Variants in ACAD11 observed in about 807,000 individuals in gnomAD.
ACAD11 encodes acyl-CoA dehydrogenase family member 11.
A neutral mutation model predicts 102.2 loss-of-function variants in ACAD11; 83 were observed. That is an observed-to-expected ratio of 0.81 (90% CI 0.68 to 0.97). The LOEUF is 0.97. ACAD11 is among the 50% of genes least tolerant of loss of function. The pLI, the probability that ACAD11 is intolerant of heterozygous loss-of-function variation, is 0.00. For missense variants in ACAD11, 901 were observed against 951.7 expected (o/e 0.95, Z 0.70); for synonymous variants, 324 against 319.8 (o/e 1.01, Z -0.14).
rs147266042 is a variant in ACAD11, at chr3:132,561,276, C to T, written c.2002-59G>A. ...GAGCTAAGCTGGTATCTGATGTCCA[C>T]GTGTAACACAGTCTTATAGTTTGGT... is the stretch of plus-strand genomic sequence containing the variant. On this transcript the variant is annotated intron_variant, in intron 17 of 19. Transcript: ENST00000264990. The T allele has an allele frequency of 1.3e-4, 154 of 1,220,366 alleles. 1 individual carries two copies. The highest frequency in any genetic ancestry group is 1.7e-4 in the Non-Finnish European group (141 of 825,170). 75.6% of individuals were successfully genotyped at this position (1,220,366 alleles called of 1,614,324 possible).
At chr3:132,641,392 A>C (rs1940489020) in intron 4 of ACAD11, among the ~76,000 whole-genome samples, 1 of 151,988 alleles carries the variant, frequency 6.6e-6, no homozygotes, top group Admixed American at 6.6e-5. Context: ...AAATACAAAA[A>C]AATTAGCAGG....
intron 4 of ACAD11, among the ~76,000 whole-genome samples, chr3:132,641,425 T>C (rs1392016549): frequency 6.6e-6 from 1 of 152,066 alleles, no homozygotes. Flanking sequence ...GAGCCTGTAG[T>C]CCCAGCTGCT....
chr3:132,645,849 G>A (rs1940696445), intron 1 of ACAD11: 2 of 152,224 alleles, frequency 1.3e-5, no homozygotes, highest in South Asian at 2.1e-4. Flanking sequence ...CTAATCCTGA[G>A]TGAGTGCCTT....
chr3:132,572,680 T>C (rs1396278336), intron 17 of ACAD11, among the ~76,000 whole-genome samples: 2 of 152,230 alleles, frequency 1.3e-5, no homozygotes, highest in East Asian at 3.8e-4. Context: ...AGCATGGTAC[T>C]GTTACAAAAA....
At chr3:132,633,669 A>G (rs1940144658) in intron 5 of ACAD11, among the ~76,000 whole-genome samples, 1 of 152,172 alleles carries the variant, frequency 6.6e-6, no homozygotes, top group African/African-American at 2.4e-5. Flanking sequence ...CTACAAGGCT[A>G]CAGTAACCAA....
chr3:132,596,721 TG>T (rs1375153295), intron 13 of ACAD11, among the ~76,000 whole-genome samples: 42 of 152,246 alleles, frequency 2.8e-4, no homozygotes, highest in African/African-American at 8.7e-4. Flanking sequence ...TTTAAAGCCA[TG>T]GGAAAATACT....
Position 132,636,923 on chromosome 3 carries a change from G to A in ACAD11, c.702+2569C>T, listed in dbSNP as rs535391172. Among the ~76,000 whole-genome samples, 4 of 152,248 alleles carry A rather than the reference G, an allele frequency of 2.6e-5. No homozygotes were observed. In the South Asian group the frequency reaches 6.2e-4, roughly 24 times the overall value. ...AGACCACATGCTGAGAGTGGGAACC[G>A]AGATGGGACAAGAAATGTGAGAGTT... On this transcript the variant is annotated intron_variant, in intron 5 of 19. Coordinates refer to ENST00000264990, the MANE Select transcript of ACAD11 (RefSeq NM_032169.5).
chr3:132,571,456 T>C (rs924346628), intron 17 of ACAD11, among the ~76,000 whole-genome samples: 3 of 152,098 alleles, frequency 2.0e-5, no homozygotes, highest in Non-Finnish European at 4.4e-5. Context: ...AGGTTGCCTA[T>C]TTACTCTGTT....
chr3:132,608,960 T>C (rs1938987937), intron 11 of ACAD11, among the ~76,000 whole-genome samples: 2 of 152,090 alleles, frequency 1.3e-5, no homozygotes, highest in Non-Finnish European at 2.9e-5. Flanking sequence ...CACAGTGCAA[T>C]CAAATTAGAA....
At chr3:132,608,953 A>G (rs1189071528) in intron 11 of ACAD11, among the ~76,000 whole-genome samples, 3 of 152,240 alleles carry the variant, frequency 2.0e-5, no homozygotes, top group African/African-American at 7.2e-5. Flanking sequence ...CTCAGACCAC[A>G]GTGCAATCAA....
At position 132,567,419 on chromosome 3, in the gene ACAD11, A is replaced by T. The variant is rs560778846; in HGVS notation, c.2002-6202T>A. Among the ~76,000 whole-genome samples, 742 of 152,336 alleles carry T rather than the reference A, an allele frequency of 4.9e-3. 4 individuals are homozygous for T. Among genetic ancestry groups the T allele is most frequent in the Admixed American group, 8.3e-3 (127 of 15,292 alleles). Reference sequence around the variant, plus strand: ...GAGAAAGGTAACTAGATAGATAGATAAACATGTATATATAATACCTAGAAC... The same window carrying T: ...GAGAAAGGTAACTAGATAGATAGATTAACATGTATATATAATACCTAGAAC... On this transcript the variant is annotated intron_variant, in intron 17 of 19. Coordinates refer to ENST00000264990, the MANE Select transcript of ACAD11 (RefSeq NM_032169.5).
chr3:132,609,491 A>C (rs1022140293), intron 11 of ACAD11, among the ~76,000 whole-genome samples: 1 of 152,222 alleles, frequency 6.6e-6, no homozygotes, highest in African/African-American at 2.4e-5. Context: ...CCATCAGAGA[A>C]TACTATAAAC....
intron 17 of ACAD11, among the ~76,000 whole-genome samples, chr3:132,575,109 A>G (rs1937500283): frequency 6.6e-6 from 1 of 152,072 alleles, no homozygotes; most frequent in South Asian, 2.1e-4. Flanking sequence ...GGTCTCCCAA[A>G]GTGCTGGGAT....
At chr3:132,645,276 A>G (rs1345811638) in intron 1 of ACAD11, among the ~76,000 whole-genome samples, 1 of 152,248 alleles carries the variant, frequency 6.6e-6, no homozygotes, top group Non-Finnish European at 1.5e-5. Flanking sequence ...ATGAATTAAA[A>G]GATGCAGGAA....
intron 3 of ACAD11, 30 bp downstream of exon 3, chr3:132,642,647 G>T: frequency 6.4e-7 from 1 of 1,560,822 alleles, no homozygotes; most frequent in Non-Finnish European, 8.6e-7. Context: ...AAAAGTAAAA[G>T]CAACAAAATA....
intron 11 of ACAD11, among the ~76,000 whole-genome samples, chr3:132,611,944 T>C (rs1486572924): frequency 6.6e-6 from 1 of 151,978 alleles, no homozygotes; most frequent in Non-Finnish European, 1.5e-5. Context: ...AGAACAAAGC[T>C]GGAGGCATCA....
chr3:132,608,546 A>T (rs962096862), intron 11 of ACAD11, among the ~76,000 whole-genome samples: 2 of 152,240 alleles, frequency 1.3e-5, no homozygotes, highest in Non-Finnish European at 2.9e-5. Context: ...AAGACAAAGA[A>T]GGACATTACA....
intron 9 of ACAD11, among the ~76,000 whole-genome samples, chr3:132,620,204 T>C (rs1048662319): frequency 6.6e-6 from 1 of 152,122 alleles, no homozygotes; most frequent in African/African-American, 2.4e-5. Context: ...AGGTAGACCA[T>C]GGGAATACAG....
chr3:132,609,161 T>A (rs1387759461), intron 11 of ACAD11, among the ~76,000 whole-genome samples: 2 of 152,192 alleles, frequency 1.3e-5, no homozygotes, highest in Non-Finnish European at 2.9e-5. Flanking sequence ...GGGAAATTTT[T>A]AGCACTAAAT....
Sources: gnomAD v4.1 joint callset for allele counts (sites outside exome capture counted in the v4.1 genomes callset) on GRCh38, gnomAD v4.1.1 for gene constraint, MANE v1.5 for transcripts, NCBI Gene and HGNC (gene_info 2026-07-23, HGNC 2026-07-21) for gene names.